NME7: variants seen among roughly 807,000 people sequenced by gnomAD.
NME7 encodes nucleoside diphosphate kinase 7.
A neutral mutation model predicts 49.1 loss-of-function variants in NME7; 41 were observed. That is an observed-to-expected ratio of 0.83 (90% confidence interval 0.65 to 1.08). The LOEUF (loss-of-function observed/expected upper bound fraction) is 1.08, where lower values mean the gene tolerates loss of function less well. Ranked by LOEUF, NME7 falls within the 50% of genes least tolerant of loss-of-function variation. The pLI is 0.00. For synonymous variants in NME7, 139 were observed against 150.6 expected (o/e 0.92, Z 0.56); for missense variants, 423 against 463.4 (o/e 0.91, Z 0.80).
At chr1:169,133,209 G>GTATT (rs1246652546) in intron 11 of NME7, among the ~76,000 whole-genome samples, 1 of 151,282 alleles carries the variant, frequency 6.6e-6, no homozygotes, top group African/African-American at 2.4e-5. Flanking sequence ...TTATTTAGCT[G>GTATT]TATTTAAAAA....
At chr1:169,297,141 T>C (rs1348382193) in intron 6 of NME7, among the ~76,000 whole-genome samples, 2 of 152,098 alleles carry the variant, frequency 1.3e-5, no homozygotes, top group Admixed American at 6.6e-5. Flanking sequence ...ACCCAGCTAA[T>C]TTTTGTATTT....
chr1:169,214,733 A>G (rs1660927887), intron 10 of NME7, among the ~76,000 whole-genome samples: 1 of 152,314 alleles, frequency 6.6e-6, no homozygotes, highest in South Asian at 2.1e-4. Flanking sequence ...GCCTTGTGGG[A>G]GGGCATGCGT....
intron 10 of NME7, among the ~76,000 whole-genome samples, chr1:169,171,791 T>C (rs1659601299): frequency 6.7e-6 from 1 of 149,332 alleles, no homozygotes; most frequent in Admixed American, 6.8e-5. Flanking sequence ...CAAAAATGGT[T>C]GGTAATTCCT....
chr1:169,364,253 CA>C (rs986494996), intron 1 of NME7, among the ~76,000 whole-genome samples: 2 of 152,114 alleles, frequency 1.3e-5, no homozygotes, highest in African/African-American at 4.8e-5. Context: ...GATCTATAAA[CA>C]AATAATTTCA....
Position 169,139,203 on chromosome 1 carries a change from G to A in NME7, c.1099-6386C>T, listed in dbSNP as rs527917501. ...AGTATCTTCTTCAGATATGCTTATC[G>A]GTCAATTTTTCCATATTTATATTTT... On this transcript the variant is annotated intron_variant, in intron 11 of 11. Coordinates refer to ENST00000367811, the MANE Select transcript of NME7 (RefSeq NM_013330.5). 5.6e-4 allele frequency among the ~76,000 whole-genome samples: 85 copies of A among 152,116 alleles called. 2 individuals carry two copies. The South Asian group carries it at 0.017, about 30-fold the overall frequency.
In NME7 at chr1:169,173,788, C is replaced by T. The variant is rs1402278686; in HGVS notation, c.991-4234G>A. ...AACTCTGGTGAAGACCATACTACCACGCATAGTTCCCCTCCCTTCAAGGAG... is the reference window on the plus strand; with the variant it reads ...AACTCTGGTGAAGACCATACTACCATGCATAGTTCCCCTCCCTTCAAGGAG... On this transcript the variant is annotated intron_variant, in intron 10 of 11. Coordinates refer to ENST00000367811, the MANE Select transcript of NME7 (RefSeq NM_013330.5). Among the ~76,000 whole-genome samples, 5 of 152,234 alleles carry T rather than the reference C, an allele frequency of 3.3e-5. No individual in the cohort carries two copies. The South Asian group carries it at 6.2e-4, about 19-fold the overall frequency.
At chr1:169,241,625 G>T (rs1035464066) in intron 7 of NME7, among the ~76,000 whole-genome samples, 24 of 151,466 alleles carry the variant, frequency 1.6e-4, no homozygotes, top group South Asian at 8.3e-4. Context: ...GCTCACCATA[G>T]AATTATTAGT....
At chr1:169,237,916 T>C (rs1188878551) in intron 7 of NME7, among the ~76,000 whole-genome samples, 1 of 152,076 alleles carries the variant, frequency 6.6e-6, no homozygotes, top group Non-Finnish European at 1.5e-5. Context: ...CTGAGGTTTA[T>C]GCAAAAAACT....
chr1:169,156,824 C>A (rs995328298), intron 11 of NME7, among the ~76,000 whole-genome samples: 3 of 152,084 alleles, frequency 2.0e-5, no homozygotes, highest in Non-Finnish European at 4.4e-5. Flanking sequence ...AGAAAACAAC[C>A]AATGCTGATG....
At chr1:169,171,529 G>A (rs1322191735) in intron 10 of NME7, among the ~76,000 whole-genome samples, 1 of 152,190 alleles carries the variant, frequency 6.6e-6, no homozygotes, top group South Asian at 2.1e-4. Context: ...TTGGGAGGCC[G>A]AGGCGGGTGG....
At chr1:169,218,264 C>T (rs1661030054) in intron 10 of NME7, among the ~76,000 whole-genome samples, 1 of 152,094 alleles carries the variant, frequency 6.6e-6, no homozygotes, top group African/African-American at 2.4e-5. Flanking sequence ...AATGACTTTG[C>T]CTACATTTCT....
chr1:169,249,091 T>C (rs755431045), intron 7 of NME7, among the ~76,000 whole-genome samples: 5 of 152,078 alleles, frequency 3.3e-5, no homozygotes, highest in Non-Finnish European at 4.4e-5. Context: ...GTCATTTTCA[T>C]GATATTGATT....
intron 5 of NME7, among the ~76,000 whole-genome samples, chr1:169,300,408 G>A (rs532222644): frequency 1.3e-5 from 2 of 152,150 alleles, no homozygotes; most frequent in Admixed American, 6.5e-5. Context: ...ACTCAGTGCA[G>A]GATATCAAAT....
At position 169,235,135 on chromosome 1, in the gene NME7, T is replaced by C; in HGVS notation, c.884A>G (p.Tyr295Cys). 3 of 1,500,816 alleles carry C rather than the reference T, an allele frequency of 2.0e-6. No individual in the cohort carries two copies. Among genetic ancestry groups the C allele is most frequent in the Non-Finnish European group, 1.8e-6 (2 of 1,089,010 alleles). 93.0% of individuals were successfully genotyped at this position (1,500,816 alleles called of 1,614,324 possible). A position where few individuals can be genotyped will look rare whatever the true frequency, so the allele number is the denominator to read the frequency against. ...YEVYKGVVTEYHDMVTEMYSG... is the reference protein window; with the variant it reads ...YEVYKGVVTECHDMVTEMYSG... The stretch of plus-strand genomic sequence containing the variant: ...TACATTTACTTTTATACTTACATGA[T>C]ATTCGGTCACTACTCCTTTATAAAC... The change falls in exon 9 of 12, where the codon TAT becomes TGT. Residue 295 changes from tyrosine (Y) to cysteine (C), a missense_variant. By Grantham distance (194) the Tyr-to-Cys change is radical (BLOSUM62 -2). Transcript: ENST00000367811.
At chr1:169,289,168 AC>A (rs1252247366) in intron 6 of NME7, among the ~76,000 whole-genome samples, 1 of 151,978 alleles carries the variant, frequency 6.6e-6, no homozygotes, top group African/African-American at 2.4e-5. Flanking sequence ...CCCTCACCTT[AC>A]CTGACCAACA....
chr1:169,133,157 G>T (rs1372038770), intron 11 of NME7, among the ~76,000 whole-genome samples: 1 of 152,144 alleles, frequency 6.6e-6, no homozygotes, highest in Non-Finnish European at 1.5e-5. Flanking sequence ...AGTAAATTAA[G>T]GTTCATACCT....
intron 11 of NME7, among the ~76,000 whole-genome samples, chr1:169,154,751 T>C (rs1033803476): frequency 6.7e-6 from 1 of 149,278 alleles, no homozygotes; most frequent in East Asian, 2.0e-4. Context: ...TGAGCTGAGA[T>C]CAAGCCAGTG....
In NME7 at chr1:169,279,208, C is replaced by T. The variant is rs1412815234; in HGVS notation, c.754+8095G>A. 2.0e-5 allele frequency among the ~76,000 whole-genome samples: 3 copies of T among 152,220 alleles called. No homozygotes were observed. In the South Asian group the frequency reaches 6.2e-4, roughly 32 times the overall value. ...CCTGGGTGCTGGGAGAACCACTGCT[C>T]TCTTCAAAGCTGTCAGACAGGGACA... On this transcript the variant is annotated intron_variant, in intron 7 of 11. Coordinates refer to ENST00000367811, the MANE Select transcript of NME7 (RefSeq NM_013330.5).
chr1:169,309,643 C>T (rs541252785), intron 4 of NME7, among the ~76,000 whole-genome samples: 2 of 152,230 alleles, frequency 1.3e-5, no homozygotes, highest in South Asian at 4.1e-4. Flanking sequence ...TCACCCCTCA[C>T]TAGTTGAGAA....
Sources: gnomAD v4.1 joint callset for allele counts (sites outside exome capture counted in the v4.1 genomes callset) on GRCh38, gnomAD v4.1.1 for gene constraint, MANE v1.5 for transcripts, NCBI Gene and HGNC (gene_info 2026-07-23, HGNC 2026-07-21) for gene names.